Variants in DPP10 observed in about 807,000 individuals in gnomAD.
DPP10 encodes the protein inactive dipeptidyl peptidase 10.
DPP10 carries 33 observed loss-of-function variants against 120.9 expected under a neutral mutation model. The ratio of observed to expected loss-of-function variants is 0.27; its 90% CI spans 0.21 to 0.37. The LOEUF (loss-of-function observed/expected upper bound fraction) is 0.37. Ranked by LOEUF, DPP10 falls within the 10% of genes least tolerant of loss-of-function variation. The pLI, the probability that DPP10 is intolerant of heterozygous loss-of-function variation, is 1.00. For missense variants in DPP10, 816 were observed against 942.8 expected (o/e 0.87, Z 1.76); for synonymous variants, 337 against 326.1 (o/e 1.03, Z -0.36).
At chr2:115,567,518 T>G (rs777823561) in intron 5 of DPP10, among the ~76,000 whole-genome samples, 1 of 137,078 alleles carries the variant, frequency 7.3e-6, no homozygotes. Context: ...CCAAATTACC[T>G]CTTAAAGATT....
intron 1 of DPP10, among the ~76,000 whole-genome samples, chr2:115,069,097 C>T (rs960058750): frequency 6.6e-6 from 1 of 151,954 alleles, no homozygotes; most frequent in African/African-American, 2.4e-5. Flanking sequence ...GTAAATAATA[C>T]CATTGGATTT....
chr2:115,525,921 T>C lies in DPP10; in HGVS notation c.390T>C (p.His130=), dbSNP rs138259404. 1.9e-3 allele frequency: 3,008 copies of C among 1,609,716 alleles called. 7 individuals carry two copies. Among genetic ancestry groups the C allele is most frequent in the Non-Finnish European group, 2.4e-3 (2,792 of 1,178,302 alleles). ...TTFVTFKASR[H]SVSPDLKYVL... ...AGGTAACCTTCAAAGCATCAAGACA[T>C]TCAGTTTCACCAGATTTAAAATATG... Residue 130 remains histidine (H), a synonymous_variant, in exon 5 of 26, where the codon CAT becomes CAC. Coordinates refer to ENST00000410059, the MANE Select transcript of DPP10 (RefSeq NM_020868.6).
chr2:115,025,771 T>A (rs1043442338), intron 1 of DPP10, among the ~76,000 whole-genome samples: 3 of 152,184 alleles, frequency 2.0e-5, no homozygotes, highest in Admixed American at 6.5e-5. Context: ...GAGCTTTTTT[T>A]TATATATACC....
intron 1 of DPP10, among the ~76,000 whole-genome samples, chr2:114,883,434 T>A (rs1288395322): frequency 6.6e-6 from 1 of 152,188 alleles, no homozygotes; most frequent in Non-Finnish European, 1.5e-5. Context: ...TGAAAGAATA[T>A]CATCCTTCCA....
chr2:115,523,202 G>A (rs1575087710), intron 4 of DPP10, among the ~76,000 whole-genome samples: 1 of 133,896 alleles, frequency 7.5e-6, no homozygotes, highest in Non-Finnish European at 1.7e-5. Context: ...AGGCAGTAGA[G>A]GGATAATTAA....
chr2:114,799,398 A>G (rs1308697341), intron 1 of DPP10, among the ~76,000 whole-genome samples: 1 of 152,190 alleles, frequency 6.6e-6, no homozygotes, highest in Non-Finnish European at 1.5e-5. Context: ...CTATTCAGAA[A>G]TTGACAGTTC....
chr2:115,535,209 T>C (rs1354377142), intron 5 of DPP10, among the ~76,000 whole-genome samples: 2 of 151,782 alleles, frequency 1.3e-5, no homozygotes, highest in Non-Finnish European at 2.9e-5. Context: ...CTGAATGGTA[T>C]TGCCTAGGTT....
intron 1 of DPP10, among the ~76,000 whole-genome samples, chr2:115,104,256 C>G (rs2104638873): frequency 7.0e-6 from 1 of 142,146 alleles, no homozygotes; most frequent in East Asian, 2.2e-4. Context: ...CCATAGCTCA[C>G]TGCAGCCTTG....
intron 1 of DPP10, among the ~76,000 whole-genome samples, chr2:114,715,193 T>C (rs1210369941): frequency 6.6e-6 from 1 of 152,106 alleles, no homozygotes. Flanking sequence ...ATTAAGACAG[T>C]AATTAAGCAC....
intron 1 of DPP10, among the ~76,000 whole-genome samples, chr2:114,680,726 T>C (rs1698973409): frequency 6.6e-6 from 1 of 151,952 alleles, no homozygotes; most frequent in Non-Finnish European, 1.5e-5. Flanking sequence ...AGTTCACTCT[T>C]TTCAAGGTTG....
At chr2:115,722,210 A>G (rs2092665632) in intron 7 of DPP10, among the ~76,000 whole-genome samples, 1 of 151,966 alleles carries the variant, frequency 6.6e-6, no homozygotes, top group Admixed American at 6.6e-5. Context: ...ATGATAATTC[A>G]TTGTACGCTT....
intron 3 of DPP10, among the ~76,000 whole-genome samples, chr2:115,416,790 A>C (rs547676625): frequency 1.1e-4 from 17 of 152,172 alleles, no homozygotes; most frequent in Non-Finnish European, 1.9e-4. Context: ...TGAGAACTCA[A>C]AGGTTTTTGT....
At position 114,813,998 on chromosome 2, in the gene DPP10, C is replaced by A. The variant is rs972380929; in HGVS notation, c.60+371160C>A. Among the ~76,000 whole-genome samples, 6 of 150,568 alleles carry A rather than the reference C, an allele frequency of 4.0e-5. No individual in the cohort carries two copies. In the South Asian group the frequency reaches 1.3e-3, roughly 32 times the overall value. The stretch of plus-strand genomic sequence containing the variant: ...CACACACACACACACCACGAGCTGG[C>A]CATTAGCTCAATAACTGTTTTAAAA... On this transcript the variant is annotated intron_variant, in intron 1 of 25. Transcript: ENST00000410059.
chr2:115,540,623 A>G (rs2079120219), intron 5 of DPP10, among the ~76,000 whole-genome samples: 1 of 151,870 alleles, frequency 6.6e-6, no homozygotes. Flanking sequence ...TTCGTGCATA[A>G]TTTTGCACCT....
chr2:114,827,613 T>TTG (rs746538689), intron 1 of DPP10, among the ~76,000 whole-genome samples: 148 of 151,998 alleles, frequency 9.7e-4, no homozygotes, highest in East Asian at 3.9e-3. Context: ...GTTACTTGCT[T>TTG]TGTGTGTGTG....
intron 5 of DPP10, among the ~76,000 whole-genome samples, chr2:115,663,316 A>G (rs2089163040): frequency 6.6e-6 from 1 of 152,220 alleles, no homozygotes. Flanking sequence ...AATGTATAAT[A>G]AGATCAAATG....
chr2:115,730,171 G>A (rs984606037), intron 8 of DPP10, among the ~76,000 whole-genome samples: 3 of 152,138 alleles, frequency 2.0e-5, no homozygotes, highest in Non-Finnish European at 2.9e-5. Flanking sequence ...GGAAAGAAAC[G>A]GTGAGCGGCT....
At chr2:115,747,282 G>A (rs768120990) in intron 10 of DPP10, among the ~76,000 whole-genome samples, 6 of 152,172 alleles carry the variant, frequency 3.9e-5, no homozygotes, top group Admixed American at 6.5e-5. Flanking sequence ...TTTCATCCAC[G>A]TTGGATGGAA....
At chr2:114,794,645 A>G (rs891326711) in intron 1 of DPP10, among the ~76,000 whole-genome samples, 5 of 152,182 alleles carry the variant, frequency 3.3e-5, no homozygotes, top group Non-Finnish European at 5.9e-5. Flanking sequence ...CTATTTTTCT[A>G]CTAATCAATA....
Sources: allele counts gnomAD v4.1 joint callset (sites outside exome capture counted in the v4.1 genomes callset), GRCh38; gene constraint gnomAD v4.1.1; transcripts MANE v1.5; gene names NCBI Gene and HGNC (gene_info 2026-07-23, HGNC 2026-07-21).